SLC25A48: variants seen among roughly 807,000 people sequenced by gnomAD.
SLC25A48 encodes solute carrier family 25 member 48, also known as CTC-321K16.1.
In SLC25A48, 29 loss-of-function variants were observed where a neutral mutation model predicts 32.2. That is an observed-to-expected ratio of 0.90 (90% CI 0.67 to 1.23). The LOEUF (loss-of-function observed/expected upper bound fraction) is 1.23. SLC25A48 is among the 50% of genes most tolerant of loss of function. The probability of loss-of-function intolerance (pLI) is 0.00; values close to 1 mark genes in which losing one functional copy is unlikely to be tolerated. For synonymous variants in SLC25A48, 164 were observed against 172.3 expected, an observed-to-expected ratio of 0.95 and a Z score of 0.38; for missense variants, 399 against 422.7, an observed-to-expected ratio of 0.94 and a Z score of 0.49.
chr5:135,800,373 C>A (rs911935764), intron 3 of SLC25A48, among the ~76,000 whole-genome samples: 1 of 151,890 alleles, frequency 6.6e-6, no homozygotes, highest in Non-Finnish European at 1.5e-5. Context: ...GGGGTGTTCA[C>A]CATTTCTGTA....
chr5:135,807,150 T>G (rs1386690977), intron 3 of SLC25A48, among the ~76,000 whole-genome samples: 1 of 150,808 alleles, frequency 6.6e-6, no homozygotes, highest in African/African-American at 2.4e-5. Context: ...AATATCATAG[T>G]GTGTTTACAT....
intron 3 of SLC25A48, among the ~76,000 whole-genome samples, chr5:135,806,354 C>T (rs752646327): frequency 4.0e-5 from 6 of 151,300 alleles, no homozygotes; most frequent in Non-Finnish European, 7.4e-5. Flanking sequence ...TTATAAATAT[C>T]ATGGATATTT....
chr5:135,691,257 CAGAT>C (rs1368154949), intron 3 of SLC25A48, among the ~76,000 whole-genome samples: 2 of 152,206 alleles, frequency 1.3e-5, no homozygotes, highest in Admixed American at 6.5e-5. Context: ...ATTTTACTCA[CAGAT>C]AGACCTGCTA....
chr5:135,800,332 G>A (rs1212832673), intron 3 of SLC25A48, among the ~76,000 whole-genome samples: 3 of 151,906 alleles, frequency 2.0e-5, no homozygotes, highest in Non-Finnish European at 4.4e-5. Flanking sequence ...TATTTAGGGA[G>A]CAGAAGATAA....
At chr5:135,788,661 A>G (rs1050998821) in intron 3 of SLC25A48, among the ~76,000 whole-genome samples, 1 of 143,880 alleles carries the variant, frequency 7.0e-6, no homozygotes, top group African/African-American at 2.6e-5. Context: ...GGGAGTGTAC[A>G]CCCCTCCACC....
chr5:135,748,122 A>G (rs1755683654), intron 3 of SLC25A48, among the ~76,000 whole-genome samples: 1 of 152,190 alleles, frequency 6.6e-6, no homozygotes, highest in South Asian at 2.1e-4. Flanking sequence ...GTCACCTATC[A>G]GGTAGGGACT....
At chr5:135,804,180 G>A (rs916295504) in intron 3 of SLC25A48, among the ~76,000 whole-genome samples, 5 of 151,260 alleles carry the variant, frequency 3.3e-5, no homozygotes, top group Non-Finnish European at 7.4e-5. Context: ...CACCTTCTGT[G>A]ACATAGAAGT....
chr5:135,637,967 A>C (rs574036476), intron 3 of SLC25A48, among the ~76,000 whole-genome samples: 2 of 152,334 alleles, frequency 1.3e-5, no homozygotes, highest in South Asian at 4.1e-4. Flanking sequence ...CACCAATTTT[A>C]AGATATACTT....
chr5:135,803,332 A>G (rs1290562495), intron 3 of SLC25A48, among the ~76,000 whole-genome samples: 2 of 151,590 alleles, frequency 1.3e-5, no homozygotes, highest in African/African-American at 4.8e-5. Flanking sequence ...ATAATATTCC[A>G]GGGATATATT....
chr5:135,756,300 A>T (rs1755902123), intron 3 of SLC25A48, among the ~76,000 whole-genome samples: 1 of 122,070 alleles, frequency 8.2e-6, no homozygotes, highest in South Asian at 2.7e-4. Context: ...TCTTTGTGAT[A>T]TTTATAATAT....
chr5:135,768,074 G>T (rs1170386927), intron 3 of SLC25A48, among the ~76,000 whole-genome samples: 2 of 148,306 alleles, frequency 1.3e-5, no homozygotes, highest in African/African-American at 2.5e-5. Flanking sequence ...ATCGCAGCGG[G>T]TGTACACCCC....
At chr5:135,610,780 G>T (rs1447852896) in intron 1 of SLC25A48, among the ~76,000 whole-genome samples, 2 of 152,212 alleles carry the variant, frequency 1.3e-5, no homozygotes, top group East Asian at 3.8e-4. Flanking sequence ...AAAGTTTAGT[G>T]AGCAGGTAAA....
intron 4 of SLC25A48, chr5:135,827,371 T>A (rs948561426): frequency 6.6e-6 from 1 of 152,208 alleles, no homozygotes; most frequent in South Asian, 2.1e-4. Context: ...ATGAGGACTT[T>A]AAGAAAGAGA....
chr5:135,835,234 C>T (rs2126676927), intron 1 of SLC25A48: 3 of 542,510 alleles, frequency 5.5e-6, no homozygotes, highest in Non-Finnish European at 3.5e-6. Flanking sequence ...TGGTGCACAC[C>T]TGAATTGCGG....
At chr5:135,704,990 A>C (rs1022048247) in intron 3 of SLC25A48, among the ~76,000 whole-genome samples, 1 of 152,344 alleles carries the variant, frequency 6.6e-6, no homozygotes, top group Non-Finnish European at 1.5e-5. Context: ...ATATGTGGGC[A>C]TGGTCAGGAT....
intron 3 of SLC25A48, among the ~76,000 whole-genome samples, chr5:135,793,933 T>G (rs887330381): frequency 5.9e-5 from 9 of 151,944 alleles, no homozygotes; most frequent in Non-Finnish European, 1.2e-4. Flanking sequence ...TTCGTAATAT[T>G]CTGGAGAGGT....
At chr5:135,732,517 G>T (rs368568365) in intron 3 of SLC25A48, among the ~76,000 whole-genome samples, 1 of 152,214 alleles carries the variant, frequency 6.6e-6, no homozygotes, top group Non-Finnish European at 1.5e-5. Context: ...AGCTTGATGT[G>T]TAGGGAATGG....
chr5:135,679,154 G>T (rs1299640193), intron 3 of SLC25A48, among the ~76,000 whole-genome samples: 3 of 152,162 alleles, frequency 2.0e-5, no homozygotes, highest in Non-Finnish European at 4.4e-5. Context: ...GTCCATTTTG[G>T]TTTTCATGGT....
At chr5:135,880,729 C>T (rs1382209947) in intron 7 of SLC25A48, among the ~76,000 whole-genome samples, 1 of 151,288 alleles carries the variant, frequency 6.6e-6, no homozygotes, top group African/African-American at 2.4e-5. Context: ...CAGCCTCACT[C>T]CTCACCACTG....
Sources: gnomAD v4.1 joint callset for allele counts (sites outside exome capture counted in the v4.1 genomes callset) on GRCh38, gnomAD v4.1.1 for gene constraint, MANE v1.5 for transcripts, NCBI Gene and HGNC (gene_info 2026-07-23, HGNC 2026-07-21) for gene names.